Variants in ACADM observed in about 807,000 individuals in gnomAD.
ACADM encodes acyl-CoA dehydrogenase medium chain, also known as medium-chain specific acyl-CoA dehydrogenase, mitochondrial.
ACADM carries 49 observed loss-of-function variants against 58.9 expected under a neutral mutation model. That is an observed-to-expected ratio of 0.83 (90% CI 0.66 to 1.06). ACADM has a LOEUF of 1.06. Ranked by LOEUF, ACADM falls within the 50% of genes least tolerant of loss-of-function variation. The probability of loss-of-function intolerance (pLI) is 0.00; values close to 1 mark genes in which losing one functional copy is unlikely to be tolerated. For missense variants in ACADM, 496 were observed against 507.0 expected, an observed-to-expected ratio of 0.98 and a Z score of 0.21; for synonymous variants, 160 against 157.7, an observed-to-expected ratio of 1.01 and a Z score of -0.11.
chr1:75,761,692 T>C (rs1648871144), intron 11 of ACADM: 1 of 295,030 alleles, frequency 3.4e-6, no homozygotes, highest in Non-Finnish European at 6.4e-6. Context: ...CATTTAAAAT[T>C]AATTATTTTG....
chr1:75,763,374 G>T lies in ACADM; in HGVS notation c.*611G>T, dbSNP rs1648952423. 1 of 152,034 alleles carries T rather than the reference G, an allele frequency of 6.6e-6. No individual in the cohort carries two copies. Among genetic ancestry groups the T allele is most frequent in the South Asian group, 2.1e-4 (1 of 4,818 alleles). The allele number at this position is 152,034 out of a possible 1,614,324, so 9.4% of individuals were successfully genotyped here. ...TATTTAAAATAAATCAATAAAGCTT[G>T]CCTTAAATTATTTTTATATGACTGT... is the stretch of plus-strand genomic sequence containing the variant. On this transcript the variant is annotated 3_prime_UTR_variant, in exon 12 of 12. Transcript: ENST00000370841.
At chr1:75,737,638 C>T (rs2100382311) in intron 6 of ACADM, among the ~76,000 whole-genome samples, 1 of 152,092 alleles carries the variant, frequency 6.6e-6, no homozygotes, top group East Asian at 2.0e-4. Context: ...CCTGAATCCC[C>T]TCTACAGAAT....
At chr1:75,741,251 AT>A (rs1268604570) in intron 7 of ACADM, among the ~76,000 whole-genome samples, 2 of 151,912 alleles carry the variant, frequency 1.3e-5, no homozygotes, top group East Asian at 3.8e-4. Flanking sequence ...ATAAAACATC[AT>A]TTTTTTTCAG....
chr1:75,731,194 G>T (rs1045139837), intron 2 of ACADM, among the ~76,000 whole-genome samples: 1 of 150,182 alleles, frequency 6.7e-6, no homozygotes, highest in African/African-American at 2.5e-5. Context: ...CAGGAGAATG[G>T]CGTGAACCCG....
chr1:75,761,604 G>A (rs571320079), intron 11 of ACADM: 32 of 519,518 alleles, frequency 6.2e-5, no homozygotes, highest in Non-Finnish European at 9.9e-5. Context: ...TGTGTATTAC[G>A]TTTGGATTAG....
intron 7 of ACADM, among the ~76,000 whole-genome samples, chr1:75,741,455 G>A (rs192418510): frequency 6.6e-6 from 1 of 152,238 alleles, no homozygotes; most frequent in Admixed American, 6.5e-5. Context: ...GCAGTTTGAA[G>A]TTTTCGTAAT....
chr1:75,757,964 A>T (rs1271580957), intron 10 of ACADM, among the ~76,000 whole-genome samples: 1 of 140,568 alleles, frequency 7.1e-6, no homozygotes, highest in Non-Finnish European at 1.6e-5. Context: ...CCATGACCTC[A>T]TCTGTGAATT....
intron 7 of ACADM, among the ~76,000 whole-genome samples, chr1:75,742,225 T>A (rs1440322573): frequency 7.7e-6 from 1 of 129,338 alleles, no homozygotes; most frequent in East Asian, 2.6e-4. Context: ...TAGTGTCAAA[T>A]GTCAGCAGCC....
At chr1:75,758,204 A>T (rs1648617913) in intron 10 of ACADM, among the ~76,000 whole-genome samples, 1 of 152,060 alleles carries the variant, frequency 6.6e-6, no homozygotes, top group African/African-American at 2.4e-5. Context: ...CTGGGATTAC[A>T]GGCACCTGCC....
intron 2 of ACADM, among the ~76,000 whole-genome samples, chr1:75,731,840 A>G (rs910743314): frequency 6.6e-6 from 1 of 152,100 alleles, no homozygotes; most frequent in Non-Finnish European, 1.5e-5. Flanking sequence ...GCCTGGCATC[A>G]TAGTGAGACC....
intron 4 of ACADM, chr1:75,733,238 G>T (rs1647182907): frequency 6.5e-7 from 1 of 1,531,806 alleles, no homozygotes; most frequent in Admixed American, 2.1e-5. Flanking sequence ...TGTGAACCAT[G>T]ATTCTTTTCC....
rs201590881 is a variant in ACADM, at chr1:75,728,364, C to T, written c.31-37C>T. The T allele has an allele frequency of 4.2e-4, 641 of 1,537,152 alleles. 4 individuals are homozygous for T. In the African/African-American group the frequency reaches 7.4e-3, roughly 18 times the overall value. ...AGTCTCTTATCTGATTAATGTTTAA[C>T]TTATCAAATTTATTTTAATAAAAGT... On this transcript the variant is annotated intron_variant, in intron 1 of 11. Transcript: ENST00000370841.
At chr1:75,734,724 T>C in intron 5 of ACADM, 67 bp from the exon 6 acceptor site, 1 of 1,240,704 alleles carries the variant, frequency 8.1e-7, no homozygotes, top group Non-Finnish European at 1.2e-6. Context: ...TTTTGAATTA[T>C]AGCATCTCTG....
chr1:75,741,958 ACT>A (rs1250215182), intron 7 of ACADM, among the ~76,000 whole-genome samples: 3 of 152,230 alleles, frequency 2.0e-5, no homozygotes, highest in Non-Finnish European at 4.4e-5. Context: ...TAACAAAAAC[ACT>A]GACTTGCTGC....
chr1:75,734,698 A>T, intron 5 of ACADM, 93 bp from the exon 6 acceptor site: 1 of 1,041,876 alleles, frequency 9.6e-7, no homozygotes, highest in Non-Finnish European at 1.5e-6. Flanking sequence ...TTAGGTGAAA[A>T]ATAGTTATTT....
At chr1:75,743,817 T>G (rs1647726272) in intron 7 of ACADM, 23 of 1,445,868 alleles carry the variant, frequency 1.6e-5, no homozygotes, top group Non-Finnish European at 1.9e-6. Context: ...GGGTGGCCAC[T>G]GCAACACTGA....
intron 10 of ACADM, chr1:75,754,794 G>A (rs953267650): frequency 2.6e-5 from 4 of 152,320 alleles, no homozygotes; most frequent in Admixed American, 2.6e-4. Flanking sequence ...CAGAGCATGA[G>A]CCGAAGCAGG....
chr1:75,750,501 C>T lies in ACADM; in HGVS notation c.900C>T (p.Thr300=), dbSNP rs17097429. Residue 300 remains threonine, a synonymous_variant, in exon 10 of 12, where the codon ACC becomes ACT. Coordinates refer to ENST00000370841, the MANE Select transcript of ACADM (RefSeq NM_000016.6). ...CACAAAGAGCTTTGGATGAAGCTAC[C>T]AAGTATGCCCTGGAAAGGAAAACTT... ...GLAQRALDEA[T]KYALERKTFG... The T allele has an allele frequency of 2.1e-3, 3,423 of 1,612,472 alleles. 59 individuals carry two copies. The African/African-American group carries it at 0.04, about 19-fold the overall frequency.
chr1:75,728,079 AG>A (rs1467538844), intron 1 of ACADM, among the ~76,000 whole-genome samples: 3 of 152,114 alleles, frequency 2.0e-5, no homozygotes, highest in African/African-American at 7.2e-5. Context: ...ATGTCCTAGG[AG>A]CTTGTAAGAT....
Sources: gnomAD v4.1 joint callset for allele counts (sites outside exome capture counted in the v4.1 genomes callset) on GRCh38, gnomAD v4.1.1 for gene constraint, MANE v1.5 for transcripts, NCBI Gene and HGNC (gene_info 2026-07-23, HGNC 2026-07-21) for gene names.